CPEB3: variants seen among roughly 807,000 people sequenced by gnomAD.
The protein encoded by CPEB3 is cytoplasmic polyadenylation element binding protein 3.
Under a neutral mutation model 67.2 loss-of-function variants are expected in CPEB3, and 20 were observed. The ratio of observed to expected loss-of-function variants is 0.30; its 90% CI spans 0.21 to 0.43. CPEB3 has a LOEUF of 0.43. CPEB3 is among the 20% of genes least tolerant of loss of function. The pLI is 1.00. For synonymous variants in CPEB3, 376 were observed against 393.1 expected (o/e 0.96, Z 0.51); for missense variants, 746 against 968.6 (o/e 0.77, Z 3.05).
intron 9 of CPEB3, chr10:92,076,481 T>C (rs921776759): frequency 1.3e-5 from 2 of 152,174 alleles, no homozygotes; most frequent in African/African-American, 4.8e-5. Context: ...CAAAGCTCAT[T>C]GTAGCTTTGA....
intron 4 of CPEB3, among the ~76,000 whole-genome samples, chr10:92,160,472 A>T (rs1847420063): frequency 6.6e-6 from 1 of 152,160 alleles, no homozygotes; most frequent in Admixed American, 6.5e-5. Context: ...AACACTTCAA[A>T]AAAGATGAAA....
At chr10:92,161,523 T>A (rs1410901322) in intron 4 of CPEB3, among the ~76,000 whole-genome samples, 1 of 151,886 alleles carries the variant, frequency 6.6e-6, no homozygotes, top group Non-Finnish European at 1.5e-5. Flanking sequence ...TCCACCCACG[T>A]TGGCCTCCCA....
At chr10:92,266,473 C>T (rs998868264) in intron 1 of CPEB3, among the ~76,000 whole-genome samples, 28 of 152,248 alleles carry the variant, frequency 1.8e-4, no homozygotes, top group South Asian at 6.2e-4. Context: ...AAATCATCTT[C>T]AAATTCATTA....
At position 92,239,892 on chromosome 10, in the gene CPEB3, C is replaced by A. The variant is rs758751644; in HGVS notation, c.459G>T (p.Pro153=). ...GCTGGGTCTGCGCCAGGCCGATCTG[C>A]GGGGAGAAAGTGCCTCCGAAGACTG... ...VNPVFGGTFS[P]QIGLAQTQHH... is the part of the protein sequence containing the mutation. The change falls in exon 2 of 10, where the codon CCG becomes CCT. Residue 153 remains proline, a synonymous_variant. Coordinates refer to ENST00000265997, the MANE Select transcript of CPEB3 (RefSeq NM_014912.5). The surrounding 1 kb of genome is among the most constrained non-coding windows in gnomAD (Gnocchi z 6.0). The A allele has an allele frequency of 2.5e-6, 4 of 1,611,098 alleles. No homozygotes were observed. The Admixed American group carries it at 6.7e-5, about 27-fold the overall frequency.
chr10:92,276,081 C>T (rs1841970510), intron 1 of CPEB3, among the ~76,000 whole-genome samples: 1 of 151,360 alleles, frequency 6.6e-6, no homozygotes, highest in African/African-American at 2.4e-5. Flanking sequence ...ATCTCCTGAC[C>T]TCGTGATCCA....
At chr10:92,238,580 A>T (rs1036348018) in intron 2 of CPEB3, among the ~76,000 whole-genome samples, 1 of 151,222 alleles carries the variant, frequency 6.6e-6, no homozygotes, top group South Asian at 2.1e-4. Flanking sequence ...AATAGACTCC[A>T]TTGCAATATG....
At position 92,239,655 on chromosome 10, in the gene CPEB3, TGCGGCAGCAGCG is replaced by T. The variant is rs747584733; in HGVS notation, c.684_695del (p.Ala232_Ala235del). ...TGGACGAGGCCGACGAGGCGGCGGC[TGCGGCAGCAGCG>T]GCTGCAACCGCCGAAGACGAGGACG... On this transcript the variant is annotated inframe_deletion, in exon 2 of 10. Transcript: ENST00000265997. The surrounding 1 kb of genome is among the most constrained non-coding windows in gnomAD (Gnocchi z 6.0). 6.4e-7 allele frequency: 1 copy of T among 1,562,478 alleles called. No homozygotes were observed. Among genetic ancestry groups the T allele is most frequent in the South Asian group, 1.2e-5 (1 of 85,324 alleles).
rs995436004 is a variant in CPEB3 at position 92,050,289 on chromosome 10, T to TG, written c.*1922_*1923insC. 3 of 152,622 alleles carry TG rather than the reference T, an allele frequency of 2.0e-5. No homozygotes were observed. The highest frequency in any genetic ancestry group is 7.2e-5 in the African/African-American group (3 of 41,456). The allele number at this position is 152,622 out of a possible 1,614,324, so 9.5% of individuals were successfully genotyped here. ...ATCCAGTAAAAAACTATTTTGTTTT[T>TG]CCTTTTTGAAAACAAACTATAGCTT... On this transcript the variant is annotated 3_prime_UTR_variant, in exon 10 of 10. Transcript: ENST00000265997.
At position 92,048,921 on chromosome 10, in the gene CPEB3, T is replaced by C. The variant is rs1852191249; in HGVS notation, c.*3291A>G. 1 of 152,606 alleles carries C rather than the reference T, an allele frequency of 6.6e-6. No individual in the cohort carries two copies. The highest frequency in any genetic ancestry group is 1.5e-5 in the Non-Finnish European group (1 of 68,034). 9.5% of individuals were successfully genotyped at this position (152,606 alleles called of 1,614,324 possible). ...AAATAATATTATGACATTGACCAGA[T>C]ATGAAAGTCCCTCCCAGAAACAACT... On this transcript the variant is annotated 3_prime_UTR_variant, in exon 10 of 10. Coordinates refer to ENST00000265997, the MANE Select transcript of CPEB3 (RefSeq NM_014912.5). This position sits in a 1 kb window ranked among gnomAD's most constrained non-coding sequence, Gnocchi z 4.1.
Position 92,261,093 on chromosome 10 carries a change from A to G in CPEB3, c.-11-20732T>C, listed in dbSNP as rs572853339. Among the ~76,000 whole-genome samples the G allele has an allele frequency of 2.9e-3, 430 of 149,560 alleles. 2 individuals are homozygous for G. Among genetic ancestry groups the G allele is most frequent in the African/African-American group, 8.8e-3 (360 of 40,816 alleles). On this transcript the variant is annotated intron_variant, in intron 1 of 9. Transcript: ENST00000265997. ...GATGAGTCACAGGGATCATCAGGGG[A>G]AAAAAAAAAGGGCAATAGTCAATAT...
At chr10:92,059,326 A>AAAAAAAAAAAAAAC (rs1244006002) in intron 9 of CPEB3, among the ~76,000 whole-genome samples, 4 of 39,812 alleles carry the variant, frequency 1.0e-4, no homozygotes, top group Admixed American at 2.8e-4. Context: ...AAACTCTGTC[A>AAAAAAAAAAAAAAC]AAAAAAAAAC....
chr10:92,071,310 T>C (rs1842744164), intron 9 of CPEB3, among the ~76,000 whole-genome samples: 2 of 152,232 alleles, frequency 1.3e-5, no homozygotes, highest in African/African-American at 4.8e-5. Context: ...CAAGCTGAGC[T>C]AGACAATGGT....
intron 1 of CPEB3, among the ~76,000 whole-genome samples, chr10:92,279,416 T>C (rs991742927): frequency 6.6e-6 from 1 of 152,242 alleles, no homozygotes; most frequent in Non-Finnish European, 1.5e-5. Context: ...TAACTCACAA[T>C]GGCTGCAGTC....
At chr10:92,197,964 G>T (rs917062817) in intron 2 of CPEB3, among the ~76,000 whole-genome samples, 6 of 152,022 alleles carry the variant, frequency 3.9e-5, no homozygotes, top group African/African-American at 1.2e-4. Context: ...AAAATTAGCC[G>T]GTGTGGTGGC....
intron 4 of CPEB3, 104 bp from the exon 5 acceptor site, chr10:92,145,189 C>T: frequency 7.9e-7 from 1 of 1,270,758 alleles, no homozygotes; most frequent in East Asian, 2.4e-5. Flanking sequence ...GCCCGAAGTG[C>T]AGAGAGAAGC....
chr10:92,135,520 G>A (rs574809400), intron 6 of CPEB3, among the ~76,000 whole-genome samples: 88 of 152,308 alleles, frequency 5.8e-4, no homozygotes, highest in South Asian at 4.3e-3. Flanking sequence ...AACAGATGCT[G>A]GAGAGGATGT....
intron 1 of CPEB3, among the ~76,000 whole-genome samples, chr10:92,278,683 C>T (rs1197906212): frequency 1.3e-5 from 2 of 151,248 alleles, no homozygotes; most frequent in South Asian, 2.1e-4. Context: ...TCACTGTAAC[C>T]TCCACCTCCC....
chr10:92,200,375 T>C (rs1030186341), intron 2 of CPEB3, among the ~76,000 whole-genome samples: 14 of 151,746 alleles, frequency 9.2e-5, no homozygotes, highest in Admixed American at 2.0e-4. Context: ...AGAAACCCTG[T>C]CTCTACTAAG....
At chr10:92,214,317 C>T (rs1389564009) in intron 2 of CPEB3, among the ~76,000 whole-genome samples, 2 of 152,156 alleles carry the variant, frequency 1.3e-5, no homozygotes, top group African/African-American at 2.4e-5. Context: ...ACCAACAAGG[C>T]ACTATCTTGG....
Sources: allele counts gnomAD v4.1 joint callset (sites outside exome capture counted in the v4.1 genomes callset), GRCh38; gene constraint gnomAD v4.1.1; non-coding constraint Gnocchi (gnomAD v3.1); transcripts MANE v1.5; gene names NCBI Gene and HGNC (gene_info 2026-07-23, HGNC 2026-07-21).